Variants in ATP1A3 observed in about 807,000 individuals in gnomAD.
ATP1A3 encodes sodium/potassium-transporting ATPase subunit alpha-3.
Under a neutral mutation model 108.8 loss-of-function variants are expected in ATP1A3, and 12 were observed. The observed-to-expected ratio is 0.11, with a 90% CI of 0.07 to 0.18. ATP1A3 has a LOEUF of 0.18. ATP1A3 is among the 10% of genes least tolerant of loss of function. The probability of loss-of-function intolerance (pLI) is 1.00; values close to 1 mark genes in which losing one functional copy is unlikely to be tolerated. For synonymous variants in ATP1A3, 539 were observed against 564.5 expected (o/e 0.95, Z 0.64); for missense variants, 498 against 1,387.7 (o/e 0.36, Z 10.19).
At chr19:41,980,905 T>C (rs377009407) in intron 11 of ATP1A3, among the ~76,000 whole-genome samples, 17 of 150,682 alleles carry the variant, frequency 1.1e-4, no homozygotes, top group African/African-American at 4.2e-4. Context: ...AGCGAAACTC[T>C]GTCTCAAAAA....
In ATP1A3 at chr19:41,974,428, T is replaced by C. The variant is rs148194192; in HGVS notation, c.2263+1201A>G. Among the ~76,000 whole-genome samples, 17 of 152,208 alleles carry C rather than the reference T, an allele frequency of 1.1e-4. No homozygotes were observed. The East Asian group carries it at 2.9e-3, about 26-fold the overall frequency. ...ACTGCACTCCATCCTGGGTGACAGATTGAGACTCTATCCCCGCCCCCAGCC... is the reference window on the plus strand; with the variant it reads ...ACTGCACTCCATCCTGGGTGACAGACTGAGACTCTATCCCCGCCCCCAGCC... On this transcript the variant is annotated intron_variant, in intron 16 of 22. Coordinates refer to ENST00000648268, the MANE Select transcript of ATP1A3 (RefSeq NM_152296.5).
rs567997976 is a variant in ATP1A3, at chr19:41,988,074, C to T, written c.219G>A (p.Pro73=). The T allele has an allele frequency of 1.5e-5, 25 of 1,614,134 alleles. No individual in the cohort carries two copies. The highest frequency in any genetic ancestry group is 1.7e-5 in the Admixed American group (1 of 60,022). The change falls in exon 4 of 23, where the codon CCG becomes CCA. Residue 73 remains proline, a synonymous_variant. Transcript: ENST00000648268. This position sits in a 1 kb window ranked among gnomAD's most constrained non-coding sequence, Gnocchi z 5.3. ...ACTTGACCCACTCTGGGGTGGTAGG[C>T]GGTGGCGTGAGTGCGTTAGGCCCAT... ...ARDGPNALTP[P]PTTPEWVKFC...
chr19:41,978,261 C>T lies in ATP1A3; in HGVS notation c.1696G>A (p.Val566Met), dbSNP rs1408417003. The T allele has an allele frequency of 4.3e-6, 7 of 1,613,548 alleles. No individual in the cohort carries two copies. Among genetic ancestry groups the T allele is most frequent in the East Asian group, 2.2e-5 (1 of 44,880 alleles). The change falls in exon 13 of 23, where the codon GTG becomes ATG. Residue 566 changes from valine to methionine, a missense_variant. By Grantham distance (21) the Val-to-Met change is conservative. This residue lies in a region of ATP1A3 where 92 missense variants were observed against 168.7 expected (regional missense o/e 0.55). Transcript: ENST00000648268. The surrounding 1 kb of genome is among the most constrained non-coding windows in gnomAD (Gnocchi z 8.3). ...CAGAGGTTGTCCGTGGTGAAGTTCACGTCATCACAGTCGAAGGCAAAGCCC... is the reference window on the plus strand; with the variant it reads ...CAGAGGTTGTCCGTGGTGAAGTTCATGTCATCACAGTCGAAGGCAAAGCCC... ...PKGFAFDCDD[V>M]NFTTDNLCFV... is the part of the protein sequence containing the mutation.
chr19:41,982,480 G>T (rs1242837115), intron 8 of ATP1A3, among the ~76,000 whole-genome samples: 1 of 152,062 alleles, frequency 6.6e-6, no homozygotes, highest in African/African-American at 2.4e-5. Flanking sequence ...ACAGAAATTA[G>T]CAGGGCATGA....
At position 41,986,459 on chromosome 19, in the gene ATP1A3, T is replaced by C. The variant is rs537962314; in HGVS notation, c.358-230A>G. 27 of 435,706 alleles carry C rather than the reference T, an allele frequency of 6.2e-5. 2 individuals are homozygous for C. Among genetic ancestry groups the C allele is most frequent in the South Asian group, 5.0e-4 (24 of 48,006 alleles). 27.0% of individuals were successfully genotyped at this position (435,706 alleles called of 1,614,324 possible). A position where few individuals can be genotyped will look rare whatever the true frequency, so the allele number is the denominator to read the frequency against. ...ATCTAAGGGTCTGTCGATTTTTTTT[T>C]TGAGACAGAGTCTCACTCTGTCGCC... On this transcript the variant is annotated intron_variant, in intron 4 of 22. Coordinates refer to ENST00000648268, the MANE Select transcript of ATP1A3 (RefSeq NM_152296.5).
chr19:41,970,561 C>T lies in ATP1A3; in HGVS notation c.2264-19G>A, dbSNP rs1383051795. On this transcript the variant is annotated intron_variant, in intron 16 of 22. Transcript: ENST00000648268. ...AGGCGGCCTGTGGCACAGGCAGGCT[C>T]AGAGCAGGCGCCCATGCCAGGGAGC... 5.0e-6 allele frequency: 8 copies of T among 1,612,302 alleles called. No individual in the cohort carries two copies. The highest frequency in any genetic ancestry group is 1.7e-6 in the Non-Finnish European group (2 of 1,179,290).
rs1347782383 is a variant in ATP1A3 at position 41,967,983 on chromosome 19, AAGACAGGGACAGACACAG to A, written c.2820-238_2820-221del. ...GCGATGGTGACACAGAAAGAGACAA[AAGACAGGGACAGACACAG>A]AGACAGGGACAGACACAGAGACAGA... On this transcript the variant is annotated intron_variant, in intron 20 of 22. Transcript: ENST00000648268. This position sits in a 1 kb window ranked among gnomAD's most constrained non-coding sequence, Gnocchi z 4.2. Among the ~76,000 whole-genome samples, 16 of 152,122 alleles carry A rather than the reference AAGACAGGGACAGACACAG, an allele frequency of 1.1e-4. No homozygotes were observed. The highest frequency in any genetic ancestry group is 6.3e-4 in the South Asian group (3 of 4,794).
chr19:41,967,058 G>T lies in ATP1A3; in HGVS notation c.3014-93C>A. ...CCCAGCAGAGAGAGGGACAGAGAGG[G>T]AGAGAGACAAGGAAACCACACAGAC... is the stretch of plus-strand genomic sequence containing the variant. On this transcript the variant is annotated intron_variant, in intron 22 of 22. Coordinates refer to ENST00000648268, the MANE Select transcript of ATP1A3 (RefSeq NM_152296.5). This position sits in a 1 kb window ranked among gnomAD's most constrained non-coding sequence, Gnocchi z 4.2. 6.4e-7 allele frequency: 1 copy of T among 1,551,666 alleles called. No individual in the cohort carries two copies.
intron 18 of ATP1A3, among the ~76,000 whole-genome samples, chr19:41,969,913 G>C (rs1555859382): frequency 1.3e-5 from 2 of 152,160 alleles, no homozygotes; most frequent in Non-Finnish European, 2.9e-5. Flanking sequence ...GACCTCCCTG[G>C]GCCTGGAACC....
intron 15 of ATP1A3, 39 bp from the exon 16 acceptor site, chr19:41,975,836 G>C (rs781817258): frequency 6.2e-6 from 10 of 1,608,370 alleles, no homozygotes; most frequent in Non-Finnish European, 8.5e-6. Context: ...CCAGAGGCCA[G>C]TCCCCAGAGT....
chr19:41,993,360 G>A, intron 1 of ATP1A3: 1 of 1,532,564 alleles, frequency 6.5e-7, no homozygotes, highest in Middle Eastern at 1.7e-4. Context: ...AGTTGCACAC[G>A]CACACCCTCA....
chr19:41,987,637 ATC>A (rs1555865858), intron 4 of ATP1A3, among the ~76,000 whole-genome samples: 1 of 152,104 alleles, frequency 6.6e-6, no homozygotes, highest in African/African-American at 2.4e-5. Context: ...CACTCTGGGT[ATC>A]TGTCAAGCCA....
chr19:41,975,654 G>A lies in ATP1A3; in HGVS notation c.2238C>T (p.Ala746=). The change falls in exon 16 of 23, where the codon GCC becomes GCT. Residue 746 remains alanine (A), a synonymous_variant. Transcript: ENST00000648268. ...CCTCCTCCACCCCTGTGACGATGGA[G>A]GCAAAGTTGTCGTCCAGCAGGATCA... ...ADMILLDDNF[A]SIVTGVEEGR... is the part of the protein sequence containing the mutation. 1 of 1,614,118 alleles carries A rather than the reference G, an allele frequency of 6.2e-7. No individual in the cohort carries two copies. The highest frequency in any genetic ancestry group is 8.5e-7 in the Non-Finnish European group (1 of 1,179,994).
chr19:41,980,945 T>C (rs2075224419), intron 11 of ATP1A3, among the ~76,000 whole-genome samples: 1 of 151,110 alleles, frequency 6.6e-6, no homozygotes, highest in South Asian at 2.1e-4. Context: ...AATTTAAAGT[T>C]GCTGCTCTGC....
intron 19 of ATP1A3, among the ~76,000 whole-genome samples, 169 bp from the exon 20 acceptor site, chr19:41,969,084 G>T (rs1279469349): frequency 6.6e-6 from 1 of 152,172 alleles, no homozygotes; most frequent in African/African-American, 2.4e-5. Flanking sequence ...GGAGTCAGGA[G>T]ACGTACAAGG....
chr19:41,979,599 A>T (rs900924875), intron 11 of ATP1A3, among the ~76,000 whole-genome samples: 1 of 152,032 alleles, frequency 6.6e-6, no homozygotes, highest in African/African-American at 2.4e-5. Flanking sequence ...GAGCCACCAC[A>T]CCCAGCTGTA....
rs1343275856 is a variant in ATP1A3 at position 41,981,446 on chromosome 19, C to G, written c.1437+56G>C. On this transcript the variant is annotated intron_variant, in intron 11 of 22. Coordinates refer to ENST00000648268, the MANE Select transcript of ATP1A3 (RefSeq NM_152296.5). This position sits in a 1 kb window ranked among gnomAD's most constrained non-coding sequence, Gnocchi z 5.0. The stretch of plus-strand genomic sequence containing the variant: ...ATCAAGGCTCTATGACACCTCTTTA[C>G]AGGCGTCATAAGGAACCTGAGGTCC... 4 of 1,612,226 alleles carry G rather than the reference C, an allele frequency of 2.5e-6. No individual in the cohort carries two copies. In the Admixed American group the frequency reaches 5.0e-5, roughly 20 times the overall value.
At position 41,985,813 on chromosome 19, in the gene ATP1A3, C is replaced by A; in HGVS notation, c.606+51G>T. On this transcript the variant is annotated intron_variant, in intron 6 of 22. Transcript: ENST00000648268. This position sits in a 1 kb window ranked among gnomAD's most constrained non-coding sequence, Gnocchi z 8.2. ...TGAGGGAGGAGGGGCTGGGCCTGAG[C>A]TCCTGGGCAGCCCGAGGGAGGGTAA... 6.2e-7 allele frequency: 1 copy of A among 1,608,020 alleles called. No individual in the cohort carries two copies. Among genetic ancestry groups the A allele is most frequent in the Non-Finnish European group, 8.5e-7 (1 of 1,178,672 alleles).
chr19:41,979,093 C>A (rs1555862500), intron 11 of ATP1A3, among the ~76,000 whole-genome samples: 1 of 151,894 alleles, frequency 6.6e-6, no homozygotes, highest in Non-Finnish European at 1.5e-5. Flanking sequence ...ACCTCCACCT[C>A]CTGGGTTCAA....
Sources: gnomAD v4.1 joint callset for allele counts (sites outside exome capture counted in the v4.1 genomes callset) on GRCh38, gnomAD v4.1.1 for gene constraint, gnomAD v4.1.1 regional missense constraint, Gnocchi (gnomAD v3.1) non-coding constraint, MANE v1.5 for transcripts, NCBI Gene and HGNC (gene_info 2026-07-23, HGNC 2026-07-21) for gene names.